The following AGTPBP1 variants were observed in gnomAD, a reference collection of about 807,000 sequenced individuals.
AGTPBP1 encodes the protein ATP/GTP binding carboxypeptidase 1, also known as cytosolic carboxypeptidase 1.
Under a neutral mutation model 143.9 loss-of-function variants are expected in AGTPBP1, and 70 were observed. The ratio of observed to expected loss-of-function variants is 0.49; its 90% CI spans 0.40 to 0.59. The LOEUF is 0.59. AGTPBP1 is among the 20% of genes least tolerant of loss of function. The probability of loss-of-function intolerance (pLI) is 0.00; values close to 1 mark genes in which losing one functional copy is unlikely to be tolerated. For synonymous variants in AGTPBP1, 463 were observed against 500.2 expected (o/e 0.93, Z 0.99); for missense variants, 1,229 against 1,464.5 (o/e 0.84, Z 2.62).
At chr9:85,572,792 T>C (rs964310976) in intron 25 of AGTPBP1, among the ~76,000 whole-genome samples, 6 of 152,170 alleles carry the variant, frequency 3.9e-5, no homozygotes, top group Non-Finnish European at 7.4e-5. Flanking sequence ...TCTATTCTTG[T>C]TTAGGAGGTA....
chr9:85,661,044 C>G (rs1833825984), intron 8 of AGTPBP1, 71 bp from the exon 9 acceptor site: 4 of 1,235,338 alleles, frequency 3.2e-6, no homozygotes, highest in Non-Finnish European at 4.5e-6. Flanking sequence ...TAAATTCATA[C>G]AATCTTTTTC....
In AGTPBP1 at chr9:85,546,924, T is replaced by C. The variant is rs192876044; in HGVS notation, c.*185A>G. The C allele has an allele frequency of 7.1e-4, 362 of 508,658 alleles. No individual in the cohort carries two copies. The highest frequency in any genetic ancestry group is 6.8e-3 in the African/African-American group (341 of 50,504). 31.5% of individuals were successfully genotyped at this position (508,658 alleles called of 1,614,324 possible). On this transcript the variant is annotated 3_prime_UTR_variant, in exon 26 of 26. Coordinates refer to ENST00000357081, the MANE Select transcript of AGTPBP1 (RefSeq NM_001330701.2). ...CATAAAGTGCATTGAATATCGAAAA[T>C]AAAACAAGCGCCAATTTTATCATTA...
chr9:85,550,134 G>A (rs1233980225), intron 25 of AGTPBP1, among the ~76,000 whole-genome samples: 1 of 152,074 alleles, frequency 6.6e-6, no homozygotes, highest in Non-Finnish European at 1.5e-5. Context: ...AGAGGAGTAA[G>A]TTAGCGGTGC....
At chr9:85,776,528 T>C in the AGTPBP1 span, among the ~76,000 whole-genome samples, 2 of 152,328 alleles carry the variant, frequency 1.3e-5, no homozygotes, top group South Asian at 4.1e-4. Flanking sequence ...CAGAGCATGG[T>C]AATACTAAGC....
chr9:85,559,507 C>T (rs1326718301), intron 25 of AGTPBP1, among the ~76,000 whole-genome samples: 5 of 149,214 alleles, frequency 3.4e-5, no homozygotes, highest in Non-Finnish European at 7.4e-5. Flanking sequence ...GAGGAGGTAA[C>T]GATGAGACAG....
chr9:85,757,745 CA>C, the AGTPBP1 span, among the ~76,000 whole-genome samples: 1 of 151,726 alleles, frequency 6.6e-6, no homozygotes, highest in Non-Finnish European at 1.5e-5. Context: ...CATAGAACAT[CA>C]AAAAGACTCA....
intron 17 of AGTPBP1, among the ~76,000 whole-genome samples, chr9:85,602,459 A>G (rs1287170834): frequency 6.6e-6 from 1 of 152,216 alleles, no homozygotes; most frequent in Non-Finnish European, 1.5e-5. Context: ...AAATAAAGAA[A>G]AAAAGAATAA....
chr9:85,680,410 C>G (rs1179505497), intron 4 of AGTPBP1, among the ~76,000 whole-genome samples: 2 of 151,972 alleles, frequency 1.3e-5, no homozygotes, highest in Admixed American at 6.6e-5. Flanking sequence ...ATGGTGAAAC[C>G]CTGTCTCTAC....
intron 15 of AGTPBP1, 107 bp from the exon 16 acceptor site, chr9:85,619,408 C>T (rs1830780801): frequency 1.4e-6 from 1 of 722,690 alleles, no homozygotes; most frequent in Non-Finnish European, 2.2e-6. Flanking sequence ...TGCCATATCA[C>T]CTTCCTCATT....
At chr9:85,697,312 C>T (rs931866858) in intron 2 of AGTPBP1, among the ~76,000 whole-genome samples, 2 of 151,966 alleles carry the variant, frequency 1.3e-5, no homozygotes, top group South Asian at 4.1e-4. Context: ...ACTCTTCCTA[C>T]CAAACCTATT....
the AGTPBP1 span, among the ~76,000 whole-genome samples, chr9:85,750,226 G>T: frequency 6.6e-6 from 1 of 152,114 alleles, no homozygotes; most frequent in Non-Finnish European, 1.5e-5. Context: ...CAAGTATAAG[G>T]TCTCTTTATT....
chr9:85,710,419 G>T (rs1257768921), intron 2 of AGTPBP1, among the ~76,000 whole-genome samples: 2 of 151,902 alleles, frequency 1.3e-5, no homozygotes, highest in Admixed American at 1.3e-4. Flanking sequence ...CAAATTTGAA[G>T]AAAGAAAAAA....
intron 1 of AGTPBP1, among the ~76,000 whole-genome samples, chr9:85,715,728 A>G (rs1299187557): frequency 6.6e-6 from 1 of 152,174 alleles, no homozygotes; most frequent in Non-Finnish European, 1.5e-5. Context: ...CATAATGAAA[A>G]ATCTTGCGAA....
the AGTPBP1 span, among the ~76,000 whole-genome samples, chr9:85,802,442 T>C: frequency 2.6e-5 from 4 of 152,110 alleles, no homozygotes; most frequent in Admixed American, 6.6e-5. Context: ...TAGAGAAAAT[T>C]GCATAACCAA....
intron 17 of AGTPBP1, among the ~76,000 whole-genome samples, chr9:85,601,256 T>C (rs1829650769): frequency 6.6e-6 from 1 of 152,158 alleles, no homozygotes; most frequent in Non-Finnish European, 1.5e-5. Context: ...CCACCAGCAC[T>C]GCTGCTGCCC....
rs1038937441 is a variant in AGTPBP1, at chr9:85,546,933, C to T, written c.*176G>A. On this transcript the variant is annotated 3_prime_UTR_variant, in exon 26 of 26. Coordinates refer to ENST00000357081, the MANE Select transcript of AGTPBP1 (RefSeq NM_001330701.2). ...CATTGAATATCGAAAATAAAACAAGCGCCAATTTTATCATTAATTAATAAC... is the reference window on the plus strand; with the variant it reads ...CATTGAATATCGAAAATAAAACAAGTGCCAATTTTATCATTAATTAATAAC... The T allele has an allele frequency of 2.5e-5, 13 of 516,868 alleles. No individual in the cohort carries two copies. The highest frequency in any genetic ancestry group is 4.0e-5 in the African/African-American group (2 of 50,348). 32.0% of individuals were successfully genotyped at this position (516,868 alleles called of 1,614,324 possible).
chr9:85,733,524 A>T (rs62570622), intron 1 of AGTPBP1, among the ~76,000 whole-genome samples: 1 of 152,182 alleles, frequency 6.6e-6, no homozygotes, highest in Admixed American at 6.5e-5. Context: ...AGGAAGACAG[A>T]TCTCAAAACA....
intron 11 of AGTPBP1, among the ~76,000 whole-genome samples, chr9:85,654,364 A>G (rs1456477335): frequency 6.6e-6 from 1 of 152,174 alleles, no homozygotes; most frequent in African/African-American, 2.4e-5. Context: ...CCTACCTCAG[A>G]TAATTTCATA....
At chr9:85,668,573 T>C (rs890734135) in intron 8 of AGTPBP1, among the ~76,000 whole-genome samples, 2 of 152,110 alleles carry the variant, frequency 1.3e-5, no homozygotes, top group Admixed American at 1.3e-4. Flanking sequence ...AAATAAATGA[T>C]AGTATTCAAA....
Sources: gnomAD v4.1 joint callset for allele counts (sites outside exome capture counted in the v4.1 genomes callset) on GRCh38, gnomAD v4.1.1 for gene constraint, MANE v1.5 for transcripts, NCBI Gene and HGNC (gene_info 2026-07-23, HGNC 2026-07-21) for gene names.